Variants in ZNF66 observed in about 807,000 individuals in gnomAD.
ZNF66 encodes the protein zinc finger protein 66, also known as putative zinc finger protein 66.
ZNF66 carries 32 observed loss-of-function variants against 35.2 expected under a neutral mutation model. The observed-to-expected ratio is 0.91, with a 90% CI of 0.69 to 1.22. The LOEUF (loss-of-function observed/expected upper bound fraction) is 1.22. Among genes scored for constraint, ZNF66 ranks in the 50% most tolerant of loss-of-function variants. ZNF66 has a pLI of 0.00. For missense variants in ZNF66, 666 were observed against 543.1 expected (o/e 1.23, Z -2.25); for synonymous variants, 231 against 181.3 (o/e 1.27, Z -2.20).
chr19:20,802,212 A>G (rs901997794), intron 3 of ZNF66, among the ~76,000 whole-genome samples: 3 of 152,172 alleles, frequency 2.0e-5, no homozygotes, highest in Admixed American at 2.0e-4. Flanking sequence ...TTGTCTCTTT[A>G]GATTCCATAT....
rs796235855 is a variant in ZNF66, at chr19:20,808,468, T to G, written c.*1146T>G. Among the ~76,000 whole-genome samples, 1 of 152,108 alleles carries G rather than the reference T, an allele frequency of 6.6e-6. No individual in the cohort carries two copies. The highest frequency in any genetic ancestry group is 1.5e-5 in the Non-Finnish European group (1 of 68,012). ...CACCCCAGTAGGGGCAGACTGACAC[T>G]TCACACGGCTGGGTACTCCTCATAT... On this transcript the variant is annotated 3_prime_UTR_variant, in exon 4 of 4. Transcript: ENST00000344519.
At chr19:20,783,925 C>G (rs1971265722) in intron 1 of ZNF66, among the ~76,000 whole-genome samples, 1 of 152,188 alleles carries the variant, frequency 6.6e-6, no homozygotes, top group African/African-American at 2.4e-5. Flanking sequence ...GGCGTGATCT[C>G]AGCTGACTGC....
chr19:20,781,799 G>A (rs571400260), intron 1 of ZNF66, among the ~76,000 whole-genome samples: 17 of 151,992 alleles, frequency 1.1e-4, no homozygotes, highest in Admixed American at 2.6e-4. Context: ...TGAGCACTGC[G>A]CCAGGCCTCT....
At chr19:20,796,054 C>G (rs554263689) in intron 3 of ZNF66, among the ~76,000 whole-genome samples, 3 of 152,282 alleles carry the variant, frequency 2.0e-5, no homozygotes, top group East Asian at 3.9e-4. Context: ...TCAAATCTCT[C>G]TTAGTGGCGT....
At chr19:20,799,932 T>C (rs1971432832) in intron 3 of ZNF66, among the ~76,000 whole-genome samples, 1 of 152,206 alleles carries the variant, frequency 6.6e-6, no homozygotes, top group African/African-American at 2.4e-5. Context: ...TATTTGTGAA[T>C]CTGCCAGTTT....
At chr19:20,802,393 A>G (rs1971456099) in intron 3 of ZNF66, among the ~76,000 whole-genome samples, 1 of 152,104 alleles carries the variant, frequency 6.6e-6, no homozygotes, top group Non-Finnish European at 1.5e-5. Flanking sequence ...CGACCTCCCA[A>G]AGTGCTGGGA....
intron 1 of ZNF66, among the ~76,000 whole-genome samples, chr19:20,777,452 ATTTTTTTT>A (rs756548895): frequency 1.6e-5 from 2 of 123,148 alleles, no homozygotes; most frequent in Non-Finnish European, 1.6e-5. Context: ...TTGAGCTTAG[ATTTTTTTT>A]TTTTTTTTTT....
At chr19:20,787,747 C>T (rs1971300500) in intron 1 of ZNF66, among the ~76,000 whole-genome samples, 1 of 152,196 alleles carries the variant, frequency 6.6e-6, no homozygotes, top group Non-Finnish European at 1.5e-5. Context: ...GAGCCATGAT[C>T]ACAATTATAA....
intron 3 of ZNF66, among the ~76,000 whole-genome samples, chr19:20,804,490 C>A (rs1242599185): frequency 2.0e-5 from 3 of 152,244 alleles, no homozygotes; most frequent in Admixed American, 2.0e-4. Flanking sequence ...AATGATCCAT[C>A]CACCTTGGCC....
At chr19:20,795,065 G>A (rs1971378837) in intron 3 of ZNF66, among the ~76,000 whole-genome samples, 2 of 151,806 alleles carry the variant, frequency 1.3e-5, no homozygotes, top group Non-Finnish European at 2.9e-5. Flanking sequence ...GGTAGAGACG[G>A]TGTTTCACCA....
Position 20,806,007 on chromosome 19 carries a change from G to A in ZNF66, c.407G>A (p.Cys136Tyr), listed in dbSNP as rs757631563. ...AGAGGTTATAATGGACTTAACCAATGTTTGACAACTACCCAAAGCAAAATG... is the reference window on the plus strand; with the variant it reads ...AGAGGTTATAATGGACTTAACCAATATTTGACAACTACCCAAAGCAAAATG... Reference protein sequence around the residue: ...HKRGYNGLNQCLTTTQSKMFQ... With the variant: ...HKRGYNGLNQYLTTTQSKMFQ... The change falls in exon 4 of 4, where the codon TGT becomes TAT. Residue 136 changes from cysteine (C) to tyrosine (Y), a missense_variant. Transcript: ENST00000344519. 2.6e-5 allele frequency: 21 copies of A among 802,810 alleles called. No homozygotes were observed. The highest frequency in any genetic ancestry group is 4.3e-5 in the Non-Finnish European group (20 of 461,474). The allele number at this position is 802,810 out of a possible 1,614,324, so 49.7% of individuals were successfully genotyped here. A position where few individuals can be genotyped will look rare whatever the true frequency, so the allele number is the denominator to read the frequency against.
intron 3 of ZNF66, among the ~76,000 whole-genome samples, chr19:20,804,078 C>T (rs1262507095): frequency 3.3e-5 from 5 of 151,862 alleles, no homozygotes; most frequent in East Asian, 3.9e-4. Context: ...TTGGTGTGTA[C>T]ATTTTTAAAG....
Position 20,806,151 on chromosome 19 carries a change from G to A in ZNF66, c.551G>A (p.Arg184Gln), listed in dbSNP as rs762568324. Residue 184 changes from arginine to glutamine, a missense_variant, in exon 4 of 4, where the codon CGG (arginine) becomes CAG (glutamine). By Grantham distance (43) the Arg-to-Gln change is conservative. Coordinates refer to ENST00000344519, the MANE Select transcript of ZNF66 (RefSeq NM_001355197.2). ...ACAGAATGTGGCAAAGCTTTTAACC[G>A]GTCCTCAACCTTTACTACACATAAG... ...KFTECGKAFN[R>Q]SSTFTTHKKI... is the part of the protein sequence containing the mutation. The A allele has an allele frequency of 1.1e-4, 134 of 1,171,392 alleles. No individual in the cohort carries two copies. Among genetic ancestry groups the A allele is most frequent in the Non-Finnish European group, 1.3e-4 (104 of 780,406 alleles). 72.6% of individuals were successfully genotyped at this position (1,171,392 alleles called of 1,614,324 possible).
At chr19:20,778,335 C>T (rs756036580) in intron 1 of ZNF66, among the ~76,000 whole-genome samples, 4 of 152,280 alleles carry the variant, frequency 2.6e-5, no homozygotes, top group Admixed American at 1.3e-4. Flanking sequence ...CTTCTGACCT[C>T]GTGATCTACC....
chr19:20,792,630 T>A lies in ZNF66; in HGVS notation c.122T>A (p.Val41Asp), dbSNP rs765538774. Reference protein sequence around the residue: ...DVMLENYRNLVFLGIVVSKPD... With the variant: ...DVMLENYRNLDFLGIVVSKPD... ...ATGTTAGAGAACTACAGAAACCTGG[T>A]CTTTCTTGGTGAGAAAAACTTTAAT... The change falls in exon 2 of 4, where the codon GTC becomes GAC. Residue 41 changes from valine to aspartate, a missense_variant. Coordinates refer to ENST00000344519, the MANE Select transcript of ZNF66 (RefSeq NM_001355197.2). 3 of 1,422,078 alleles carry A rather than the reference T, an allele frequency of 2.1e-6. No individual in the cohort carries two copies. The East Asian group carries it at 7.0e-5, about 33-fold the overall frequency. 88.1% of individuals were successfully genotyped at this position (1,422,078 alleles called of 1,614,324 possible). A position where few individuals can be genotyped will look rare whatever the true frequency, so the allele number is the denominator to read the frequency against.
At chr19:20,786,038 G>T (rs1439557933) in intron 1 of ZNF66, among the ~76,000 whole-genome samples, 2 of 150,496 alleles carry the variant, frequency 1.3e-5, no homozygotes, top group Non-Finnish European at 3.0e-5. Context: ...CTAGTCCTGG[G>T]ATTACAGGTG....
At chr19:20,786,702 G>A (rs578226236) in intron 1 of ZNF66, among the ~76,000 whole-genome samples, 2 of 152,308 alleles carry the variant, frequency 1.3e-5, no homozygotes, top group African/African-American at 2.4e-5. Flanking sequence ...TCTTGAAACT[G>A]TTCCCTATTG....
chr19:20,800,198 A>G (rs1971435186), intron 3 of ZNF66, among the ~76,000 whole-genome samples: 1 of 152,116 alleles, frequency 6.6e-6, no homozygotes, highest in African/African-American at 2.4e-5. Flanking sequence ...TTGCTAGTTT[A>G]TAGTGTTAGG....
intron 3 of ZNF66, among the ~76,000 whole-genome samples, chr19:20,794,902 A>G (rs1336640672): frequency 3.3e-5 from 4 of 120,736 alleles, no homozygotes; most frequent in Admixed American, 1.9e-4. Flanking sequence ...AGGGGCTTTC[A>G]CTCTTTTTGC....
Sources: allele counts gnomAD v4.1 joint callset (sites outside exome capture counted in the v4.1 genomes callset), GRCh38; gene constraint gnomAD v4.1.1; transcripts MANE v1.5; gene names NCBI Gene and HGNC (gene_info 2026-07-23, HGNC 2026-07-21).